The following HUWE1 variants were observed in gnomAD, a reference collection of about 807,000 sequenced individuals.
The protein encoded by HUWE1 is HECT, UBA and WWE domain containing E3 ubiquitin protein ligase 1, also known as E3 ubiquitin-protein ligase HUWE1.
HUWE1 carries 18 observed loss-of-function variants against 299.4 expected under a neutral mutation model. The ratio of observed to expected loss-of-function variants is 0.06; its 90% CI spans 0.04 to 0.09. The LOEUF is 0.09. HUWE1 is among the 10% of genes least tolerant of loss of function. HUWE1 has a pLI of 1.00. For synonymous variants in HUWE1, 1,317 were observed against 1,286.1 expected (o/e 1.02, Z -0.51); for missense variants, 1,832 against 3,462.3 (o/e 0.53, Z 11.82).
chrX:53,643,436 G>A (rs2067750998), intron 7 of HUWE1, among the ~76,000 whole-genome samples: 1 of 110,134 alleles, frequency 9.1e-6, no homozygotes, highest in African/African-American at 3.3e-5. Context: ...TGCAGCTTCC[G>A]CCTCCCGGGT....
chrX:53,685,312 C>T (rs1463228623), intron 2 of HUWE1, among the ~76,000 whole-genome samples: 2 of 111,557 alleles, frequency 1.8e-5, no homozygotes, highest in Non-Finnish European at 3.8e-5. Flanking sequence ...ACTGTATAAA[C>T]CAATATAGGA....
chrX:53,625,048 C>A (rs2066397469), intron 18 of HUWE1, 109 bp downstream of exon 18: 1 of 558,487 alleles, frequency 1.8e-6, no homozygotes, highest in South Asian at 2.5e-5. Context: ...ATGGCATGGC[C>A]TTTACCAAAG....
chrX:53,631,858 C>T, intron 9 of HUWE1: 2 of 403,507 alleles, frequency 5.0e-6, no homozygotes, highest in South Asian at 3.7e-5. Context: ...TAGCCAGGCA[C>T]ATTTCATATT....
rs782213114 is a variant in HUWE1 at position 53,600,218 on chromosome X, G to C, written c.3063C>G (p.Pro1021=). ...AAGCAGTAGGTTCATCTGTCTCCAT[G>C]GGAGCCAATGTGTCACCATCTAGCC... ...GIGLDGDTLA[P]METDEPTASD... Residue 1021 remains proline, a synonymous_variant, in exon 29 of 84, where the codon CCC becomes CCG. Transcript: ENST00000262854. 2 of 1,207,523 alleles carry C rather than the reference G, an allele frequency of 1.7e-6. No homozygotes were observed. Among genetic ancestry groups the C allele is most frequent in the East Asian group, 3.0e-5 (1 of 33,821 alleles).
intron 55 of HUWE1, 21 bp from the exon 56 acceptor site, chrX:53,560,437 A>G (rs1556939968): frequency 1.7e-6 from 2 of 1,176,520 alleles, no homozygotes; most frequent in South Asian, 3.6e-5. Flanking sequence ...AATATGTAAA[A>G]GGGTCAGTGT....
chrX:53,584,857 G>T (rs781926394), intron 40 of HUWE1, among the ~76,000 whole-genome samples, 155 bp downstream of exon 40: 1 of 111,744 alleles, frequency 8.9e-6, no homozygotes, highest in South Asian at 3.8e-4. Context: ...ATTGTCTTGG[G>T]CCACACATAA....
chrX:53,564,558 T>C lies in HUWE1; in HGVS notation c.7029+16A>G. ...AGCGCCGCAACAGGGAAATGCTGGG[T>C]GATCTGCCTCCCTACCTGCATCTCT... On this transcript the variant is annotated intron_variant, in intron 51 of 83. Coordinates refer to ENST00000262854, the MANE Select transcript of HUWE1 (RefSeq NM_031407.7). 8.3e-7 allele frequency: 1 copy of C among 1,209,022 alleles called. No homozygotes were observed. The highest frequency in any genetic ancestry group is 3.0e-5 in the East Asian group (1 of 33,827).
intron 42 of HUWE1, 72 bp downstream of exon 42, chrX:53,583,486 T>C: frequency 2.7e-6 from 2 of 754,184 alleles, no homozygotes; most frequent in Non-Finnish European, 4.2e-6. Flanking sequence ...CAGAAGTCTA[T>C]TTGTTCTCAG....
chrX:53,544,141 A>G (rs1344613548), intron 72 of HUWE1, among the ~76,000 whole-genome samples, 173 bp from the exon 73 acceptor site: 1 of 112,745 alleles, frequency 8.9e-6, no homozygotes, highest in African/African-American at 3.2e-5. Context: ...ACCATTACAG[A>G]TAAGGGCAGG....
intron 78 of HUWE1, 52 bp from the exon 79 acceptor site, chrX:53,536,719 ATCCAG>A: frequency 9.4e-7 from 1 of 1,059,902 alleles, no homozygotes; most frequent in East Asian, 3.0e-5. Context: ...CCCAGGATAC[ATCCAG>A]TCATTTGTGT....
chrX:53,598,649 G>A (rs933781244), intron 29 of HUWE1, among the ~76,000 whole-genome samples: 1 of 111,935 alleles, frequency 8.9e-6, no homozygotes, highest in Admixed American at 9.5e-5. Flanking sequence ...TGTGTCCATC[G>A]ACTGTTTATG....
At chrX:53,609,193 AG>A (rs1300027161) in intron 23 of HUWE1, among the ~76,000 whole-genome samples, 3 of 111,193 alleles carry the variant, frequency 2.7e-5, no homozygotes, top group African/African-American at 9.8e-5. Context: ...TACCTTTCCA[AG>A]CCTGACCAAG....
Position 53,539,046 on chromosome X carries a change from G to T in HUWE1, c.11667C>A (p.Val3889=). 1.1e-5 allele frequency: 13 copies of T among 1,209,557 alleles called. No individual in the cohort carries two copies. The highest frequency in any genetic ancestry group is 1.5e-5 in the Non-Finnish European group (13 of 894,064). Residue 3889 remains valine, a synonymous_variant, in exon 76 of 84, where the codon GTC becomes GTA. Coordinates refer to ENST00000262854, the MANE Select transcript of HUWE1 (RefSeq NM_031407.7). ...LQPAVEAFFL[V]HATERESKPP... ...GCTTGCTCTCCCGCTCTGTGGCATG[G>T]ACCAGAAAGAAGGCCTCGACAGCAG...
chrX:53,639,113 T>C (rs992940488), intron 7 of HUWE1, among the ~76,000 whole-genome samples: 1 of 112,240 alleles, frequency 8.9e-6, no homozygotes, highest in Non-Finnish European at 1.9e-5. Flanking sequence ...AAAAATACTT[T>C]TAAGATGACA....
At chrX:53,628,363 G>T in intron 15 of HUWE1, 130 bp downstream of exon 15, 1 of 700,905 alleles carries the variant, frequency 1.4e-6, no homozygotes, top group Non-Finnish European at 2.1e-6. Context: ...TTCTACTTAA[G>T]TATAACTTTT....
At chrX:53,624,513 ATAAG>A (rs1244101921) in intron 19 of HUWE1, 78 bp downstream of exon 19, 10 of 658,789 alleles carry the variant, frequency 1.5e-5, no homozygotes, top group African/African-American at 1.3e-4. Context: ...AAATAAGTAA[ATAAG>A]TAAGTAAGTA....
intron 6 of HUWE1, among the ~76,000 whole-genome samples, chrX:53,645,736 A>AATATATAT (rs1175668846): frequency 3.8e-5 from 1 of 26,130 alleles, no homozygotes; most frequent in African/African-American, 1.5e-4. Flanking sequence ...AAAAAAAAAA[A>AATATATAT]ATATATATAT....
At chrX:53,675,805 T>C (rs1477784532) in intron 3 of HUWE1, among the ~76,000 whole-genome samples, 1 of 111,625 alleles carries the variant, frequency 9.0e-6, no homozygotes, top group African/African-American at 3.3e-5. Context: ...GTGTTAACAG[T>C]GGTGATACTG....
chrX:53,583,720 G>C lies in HUWE1; in HGVS notation c.5358C>G (p.Thr1786=). Reference sequence around the variant, plus strand: ...ACATCATGGCATATTTGTGGTCCCGGGTGAGCCTCAGACAGAGACGAAGGG... The same window carrying C: ...ACATCATGGCATATTTGTGGTCCCGCGTGAGCCTCAGACAGAGACGAAGGG... ...HATLRLCLRL[T]RDHKYAMMFA... is the part of the protein sequence containing the mutation. The change falls in exon 42 of 84, where the codon ACC becomes ACG. Residue 1786 remains threonine (T), a synonymous_variant. Transcript: ENST00000262854. The C allele has an allele frequency of 2.5e-6, 3 of 1,211,191 alleles. No homozygotes were observed. The highest frequency in any genetic ancestry group is 1.8e-5 in the South Asian group (1 of 56,938).
Sources: allele counts gnomAD v4.1 joint callset (sites outside exome capture counted in the v4.1 genomes callset), GRCh38; gene constraint gnomAD v4.1.1; transcripts MANE v1.5; gene names NCBI Gene and HGNC (gene_info 2026-07-23, HGNC 2026-07-21).